ST6GAL1: variants seen among roughly 807,000 people sequenced by gnomAD.
ST6GAL1 encodes the protein beta-galactoside alpha-2,6-sialyltransferase 1.
In ST6GAL1, 20 loss-of-function variants were observed where a neutral mutation model predicts 38.0. The observed-to-expected ratio is 0.53, with a 90% CI of 0.37 to 0.77. The LOEUF (loss-of-function observed/expected upper bound fraction) is 0.77. Ranked by LOEUF, ST6GAL1 falls within the 30% of genes least tolerant of loss-of-function variation. The probability of loss-of-function intolerance (pLI) is 0.00; values close to 1 mark genes in which losing one functional copy is unlikely to be tolerated. For missense variants in ST6GAL1, 432 were observed against 496.4 expected, an observed-to-expected ratio of 0.87 and a Z score of 1.23; for synonymous variants, 196 against 188.2, an observed-to-expected ratio of 1.04 and a Z score of -0.34.
chr3:186,976,857 T>C (rs962142963), intron 2 of ST6GAL1, among the ~76,000 whole-genome samples: 6 of 152,252 alleles, frequency 3.9e-5, no homozygotes, highest in Non-Finnish European at 5.9e-5. Flanking sequence ...TGCTGGTTTA[T>C]ATTCTCTCCC....
chr3:186,945,417 C>T (rs182540850), intron 1 of ST6GAL1, among the ~76,000 whole-genome samples: 2 of 152,166 alleles, frequency 1.3e-5, no homozygotes, highest in African/African-American at 2.4e-5. Context: ...GACATCCTCA[C>T]ACTTGCAAGA....
chr3:187,058,574 T>C (rs1718801653), intron 5 of ST6GAL1, among the ~76,000 whole-genome samples: 1 of 152,166 alleles, frequency 6.6e-6, no homozygotes, highest in South Asian at 2.1e-4. Context: ...TAGTCACCTC[T>C]AGGTGCTTCC....
chr3:187,029,930 T>C (rs1485922909), intron 2 of ST6GAL1, among the ~76,000 whole-genome samples: 1 of 152,114 alleles, frequency 6.6e-6, no homozygotes, highest in Non-Finnish European at 1.5e-5. Context: ...CTAGTTGGAA[T>C]AGGCTGCATA....
intron 4 of ST6GAL1, among the ~76,000 whole-genome samples, chr3:187,047,861 A>G (rs758168483): frequency 2.6e-4 from 39 of 152,118 alleles, no homozygotes; most frequent in Non-Finnish European, 5.0e-4. Context: ...ACATGCATAC[A>G]ATGCGCAATG....
chr3:187,061,612 A>G (rs73055056), intron 5 of ST6GAL1, among the ~76,000 whole-genome samples: 15,120 of 152,184 alleles, frequency 0.099, 2,501 homozygotes, highest in African/African-American at 0.34. Flanking sequence ...GGATCGTTCA[A>G]TGAGGAAAAG....
At chr3:187,061,606 C>G (rs572089136) in intron 5 of ST6GAL1, among the ~76,000 whole-genome samples, 33 of 152,146 alleles carry the variant, frequency 2.2e-4, no homozygotes, top group Non-Finnish European at 4.3e-4. Flanking sequence ...GTGTCAGGAT[C>G]GTTCAATGAG....
At chr3:187,054,489 T>C (rs1255404712) in intron 5 of ST6GAL1, among the ~76,000 whole-genome samples, 4 of 152,210 alleles carry the variant, frequency 2.6e-5, no homozygotes, top group Non-Finnish European at 4.4e-5. Flanking sequence ...ACCTAGTTCA[T>C]TGAGAGTTTT....
At chr3:187,043,433 T>A in intron 4 of ST6GAL1, 123 bp downstream of exon 4, 1 of 1,407,382 alleles carries the variant, frequency 7.1e-7, no homozygotes. Context: ...CCCAGGGCAG[T>A]GTTTTTTTCA....
chr3:187,020,936 C>T (rs747417588), intron 2 of ST6GAL1, among the ~76,000 whole-genome samples: 17 of 149,974 alleles, frequency 1.1e-4, no homozygotes, highest in Non-Finnish European at 2.1e-4. Flanking sequence ...GGGGAGGGTG[C>T]GGTGTTAGGA....
rs1048517168 is a variant in ST6GAL1, at chr3:187,078,437, T to G, written c.*2634T>G. 10 of 152,222 alleles carry G rather than the reference T, an allele frequency of 6.6e-5. No individual in the cohort carries two copies. The highest frequency in any genetic ancestry group is 1.5e-4 in the Non-Finnish European group (10 of 68,038). The allele number at this position is 152,222 out of a possible 1,614,324, so 9.4% of individuals were successfully genotyped here. A position where few individuals can be genotyped will look rare whatever the true frequency, so the allele number is the denominator to read the frequency against. ...CTCTCTAATCCTTCCACCAATCAAA[T>G]AAGCTATTGCTATTGGTTTGGAGTT... On this transcript the variant is annotated 3_prime_UTR_variant, in exon 8 of 8. Coordinates refer to ENST00000169298, the MANE Select transcript of ST6GAL1 (RefSeq NM_173216.2).
intron 1 of ST6GAL1, chr3:186,949,073 CAG>C (rs1714486977): frequency 6.6e-6 from 1 of 152,310 alleles, no homozygotes; most frequent in East Asian, 1.9e-4. Flanking sequence ...CCTGCTCCAC[CAG>C]AGAGTCATTT....
intron 2 of ST6GAL1, among the ~76,000 whole-genome samples, chr3:187,035,156 C>T (rs60515684): frequency 0.036 from 5,548 of 152,050 alleles, 361 homozygotes; most frequent in African/African-American, 0.13. Flanking sequence ...TTATAATAGT[C>T]GCAACAAAAT....
intron 1 of ST6GAL1, among the ~76,000 whole-genome samples, chr3:186,961,937 G>C (rs1579274296): frequency 6.6e-6 from 1 of 152,146 alleles, no homozygotes; most frequent in African/African-American, 2.4e-5. Context: ...CCTTGTGGGT[G>C]GCTCCTAGCT....
intron 2 of ST6GAL1, among the ~76,000 whole-genome samples, chr3:187,037,209 C>G (rs1717961193): frequency 6.6e-6 from 1 of 152,120 alleles, no homozygotes; most frequent in Non-Finnish European, 1.5e-5. Flanking sequence ...TAATTATAAT[C>G]TGTCCAGCAA....
intron 1 of ST6GAL1, among the ~76,000 whole-genome samples, chr3:186,960,148 G>T (rs6444188): frequency 0.58 from 87,734 of 152,098 alleles, 25,762 homozygotes; most frequent in Non-Finnish European, 0.65. Context: ...CCTCACACAT[G>T]GTACACTTAC....
chr3:187,042,232 C>T (rs938818765), intron 3 of ST6GAL1, among the ~76,000 whole-genome samples: 1 of 151,646 alleles, frequency 6.6e-6, no homozygotes, highest in Non-Finnish European at 1.5e-5. Flanking sequence ...TTTTTTCAAG[C>T]ATGCATGGCT....
At chr3:187,072,172 A>G (rs1279167202) in intron 5 of ST6GAL1, 1 of 153,006 alleles carries the variant, frequency 6.5e-6, no homozygotes, top group African/African-American at 2.4e-5. Context: ...GGCCATAACC[A>G]GCCATTGCTG....
In ST6GAL1 at chr3:186,948,800, A is replaced by G. The variant is rs113395872; in HGVS notation, c.-324-14985A>G. On this transcript the variant is annotated intron_variant, in intron 1 of 7. Transcript: ENST00000169298. ...CTCACTATGCTATGTGAAATTTGCTATGTTAGACCTTGACATCCTGGATGG... is the reference window on the plus strand; with the variant it reads ...CTCACTATGCTATGTGAAATTTGCTGTGTTAGACCTTGACATCCTGGATGG... 4.4e-3 allele frequency: 676 copies of G among 152,518 alleles called. 7 individuals carry two copies. Among genetic ancestry groups the G allele is most frequent in the Non-Finnish European group, 7.0e-3 (481 of 68,244 alleles). The allele number at this position is 152,518 out of a possible 1,614,324, so 9.4% of individuals were successfully genotyped here.
intron 2 of ST6GAL1, chr3:187,021,727 C>G (rs187864250): frequency 7.9e-6 from 1 of 126,096 alleles, no homozygotes; most frequent in Non-Finnish European, 1.6e-5. Context: ...GGCGACAGAG[C>G]GAGACTCTGT....
Sources: allele counts gnomAD v4.1 joint callset (sites outside exome capture counted in the v4.1 genomes callset), GRCh38; gene constraint gnomAD v4.1.1; transcripts MANE v1.5; gene names NCBI Gene and HGNC (gene_info 2026-07-23, HGNC 2026-07-21).